CNTLN: variants seen among roughly 807,000 people sequenced by gnomAD.
CNTLN encodes centlein, centrosomal protein.
In CNTLN, 212 loss-of-function variants were observed where a neutral mutation model predicts 180.0. That is an observed-to-expected ratio of 1.18 (90% CI 1.05 to 1.32). CNTLN has a LOEUF of 1.32. CNTLN is among the 40% of genes most tolerant of loss of function. The probability of loss-of-function intolerance (pLI) is 0.00; values close to 1 mark genes in which losing one functional copy is unlikely to be tolerated. For synonymous variants in CNTLN, 722 were observed against 563.1 expected (o/e 1.28, Z -3.99); for missense variants, 2,095 against 1,610.9 (o/e 1.30, Z -5.14).
intron 12 of CNTLN, among the ~76,000 whole-genome samples, chr9:17,347,066 C>T (rs896676528): frequency 6.6e-6 from 1 of 151,962 alleles, no homozygotes; most frequent in Non-Finnish European, 1.5e-5. Flanking sequence ...CCATTGGGTT[C>T]TTCTTTATGT....
At chr9:17,196,026 T>C (rs2131840922) in intron 2 of CNTLN, among the ~76,000 whole-genome samples, 1 of 152,234 alleles carries the variant, frequency 6.6e-6, no homozygotes, top group Middle Eastern at 3.4e-3. Flanking sequence ...TTTTTATTAT[T>C]ATTTTTTACT....
At chr9:17,259,052 A>C (rs1344961868) in intron 5 of CNTLN, among the ~76,000 whole-genome samples, 2 of 147,500 alleles carry the variant, frequency 1.4e-5, no homozygotes, top group East Asian at 2.0e-4. Flanking sequence ...GTCTTGTGCC[A>C]GTTTTCAAAG....
Position 17,164,457 on chromosome 9 carries a change from GTTTTTT to G in CNTLN, c.449+21101_449+21106del, listed in dbSNP as rs772109564. On this transcript the variant is annotated intron_variant, in intron 2 of 25. Transcript: ENST00000380647. ...AATCTATAGAACTCCTTATTTTTAT[GTTTTTT>G]TTTTTTTTTTTTTTTTTTTGAGGTG... is the stretch of plus-strand genomic sequence containing the variant. Among the ~76,000 whole-genome samples the G allele has an allele frequency of 1.8e-4, 12 of 68,454 alleles. No individual in the cohort carries two copies. In the East Asian group the frequency reaches 2.2e-3, roughly 13 times the overall value. The allele number at this position is 68,454 out of a possible 152,430, so 44.9% of individuals were successfully genotyped here.
At chr9:17,149,855 G>A (rs560249043) in intron 2 of CNTLN, among the ~76,000 whole-genome samples, 5 of 152,214 alleles carry the variant, frequency 3.3e-5, no homozygotes, top group African/African-American at 4.8e-5. Flanking sequence ...TCTAACTGGC[G>A]TGAGATGGTA....
chr9:17,144,432 T>A (rs1483508555), intron 2 of CNTLN, among the ~76,000 whole-genome samples: 1 of 152,162 alleles, frequency 6.6e-6, no homozygotes, highest in Non-Finnish European at 1.5e-5. Flanking sequence ...TTTAGTAGAA[T>A]AAGCCTTCTA....
intron 25 of CNTLN, 187 bp downstream of exon 25, chr9:17,487,253 C>G: frequency 1.7e-6 from 1 of 583,652 alleles, no homozygotes; most frequent in Non-Finnish European, 3.1e-6. Context: ...ACAAATGAAA[C>G]AAATACCTTG....
intron 5 of CNTLN, among the ~76,000 whole-genome samples, chr9:17,240,742 T>C (rs1170230136): frequency 6.6e-6 from 1 of 152,250 alleles, no homozygotes; most frequent in African/African-American, 2.4e-5. Context: ...GGAAGCTTTT[T>C]AAGTTGATAT....
At chr9:17,474,705 C>T (rs1458067183) in intron 23 of CNTLN, among the ~76,000 whole-genome samples, 2 of 151,972 alleles carry the variant, frequency 1.3e-5, no homozygotes, top group African/African-American at 4.8e-5. Context: ...CCCGTCTCTA[C>T]TAAAAATACA....
chr9:17,357,785 A>G (rs1382092981), intron 12 of CNTLN, among the ~76,000 whole-genome samples: 1 of 151,552 alleles, frequency 6.6e-6, no homozygotes, highest in Non-Finnish European at 1.5e-5. Context: ...CTTTAGAATA[A>G]ATAACCTTAA....
intron 2 of CNTLN, among the ~76,000 whole-genome samples, chr9:17,151,663 T>C (rs1370161846): frequency 6.6e-6 from 1 of 152,224 alleles, no homozygotes; most frequent in Non-Finnish European, 1.5e-5. Flanking sequence ...ATCAGGATGA[T>C]GCTGGCCTCA....
At chr9:17,287,489 C>T (rs1829061245) in intron 6 of CNTLN, among the ~76,000 whole-genome samples, 1 of 150,816 alleles carries the variant, frequency 6.6e-6, no homozygotes, top group Non-Finnish European at 1.5e-5. Context: ...GTGTCTCTGC[C>T]CGGCTTTGGT....
intron 25 of CNTLN, among the ~76,000 whole-genome samples, chr9:17,495,364 A>T (rs1382534533): frequency 6.6e-6 from 1 of 152,116 alleles, no homozygotes; most frequent in African/African-American, 2.4e-5. Context: ...GTGGGACAAG[A>T]TGTGGAGGTG....
chr9:17,450,783 CAGA>C (rs1830737897), intron 18 of CNTLN, among the ~76,000 whole-genome samples: 1 of 152,052 alleles, frequency 6.6e-6, no homozygotes, highest in Non-Finnish European at 1.5e-5. Flanking sequence ...GTGGATTTTT[CAGA>C]AGAAATTTTG....
At chr9:17,290,758 A>C (rs1462889694) in intron 6 of CNTLN, among the ~76,000 whole-genome samples, 10 of 151,594 alleles carry the variant, frequency 6.6e-5, no homozygotes, top group Admixed American at 6.6e-4. Context: ...TTCGGGTGGG[A>C]GTGACCCGAT....
intron 18 of CNTLN, among the ~76,000 whole-genome samples, chr9:17,426,694 G>A (rs1372914754): frequency 6.6e-6 from 1 of 151,904 alleles, no homozygotes; most frequent in Admixed American, 6.6e-5. Flanking sequence ...CAAGTCACAT[G>A]TTCTTGAGGT....
chr9:17,368,502 T>G (rs1824021898), intron 13 of CNTLN, among the ~76,000 whole-genome samples: 1 of 152,116 alleles, frequency 6.6e-6, no homozygotes, highest in Non-Finnish European at 1.5e-5. Context: ...TGAGCAAACA[T>G]AGGTGGAAGC....
chr9:17,253,500 C>T (rs1826281620), intron 5 of CNTLN, among the ~76,000 whole-genome samples: 1 of 151,014 alleles, frequency 6.6e-6, no homozygotes, highest in Non-Finnish European at 1.5e-5. Context: ...AATTTAATCC[C>T]AGATATTTAT....
intron 10 of CNTLN, among the ~76,000 whole-genome samples, chr9:17,339,372 G>A (rs1210987000): frequency 1.3e-5 from 2 of 152,326 alleles, no homozygotes; most frequent in South Asian, 4.1e-4. Flanking sequence ...TGTGGGAAAA[G>A]GAGACTGAAA....
chr9:17,351,820 A>G (rs989317735), intron 12 of CNTLN, among the ~76,000 whole-genome samples: 3 of 152,208 alleles, frequency 2.0e-5, no homozygotes, highest in African/African-American at 7.2e-5. Flanking sequence ...AACTTTAAGT[A>G]TCTTTCCATT....
Sources: gnomAD v4.1 joint callset for allele counts (sites outside exome capture counted in the v4.1 genomes callset) on GRCh38, gnomAD v4.1.1 for gene constraint, MANE v1.5 for transcripts, NCBI Gene and HGNC (gene_info 2026-07-23, HGNC 2026-07-21) for gene names.